NFIB: variants seen among roughly 807,000 people sequenced by gnomAD.
NFIB encodes the protein nuclear factor I B, also known as nuclear factor 1 B-type.
A neutral mutation model predicts 61.5 loss-of-function variants in NFIB; 11 were observed. The observed-to-expected ratio is 0.18, with a 90% CI of 0.11 to 0.30. The LOEUF is 0.30. NFIB is among the 10% of genes least tolerant of loss of function. The pLI is 1.00. For missense variants in NFIB, 471 were observed against 608.9 expected, an observed-to-expected ratio of 0.77 and a Z score of 2.38; for synonymous variants, 260 against 216.5, an observed-to-expected ratio of 1.20 and a Z score of -1.76.
intron 10 of NFIB, among the ~76,000 whole-genome samples, chr9:14,107,498 T>C (rs960649636): frequency 3.3e-5 from 5 of 152,188 alleles, no homozygotes; most frequent in East Asian, 1.9e-4. Context: ...CCATAAATCA[T>C]AAGATAAGTA....
At chr9:14,166,457 G>C (rs2044801098) in intron 3 of NFIB, among the ~76,000 whole-genome samples, 1 of 152,064 alleles carries the variant, frequency 6.6e-6, no homozygotes. Context: ...GTCGATAAAA[G>C]GAAATCTAGA....
At chr9:14,374,719 G>A (rs1408441369) in intron 1 of NFIB, among the ~76,000 whole-genome samples, 1 of 152,170 alleles carries the variant, frequency 6.6e-6, no homozygotes, top group African/African-American at 2.4e-5. Context: ...AGACCAGCCT[G>A]GCCAACATGG....
intron 2 of NFIB, among the ~76,000 whole-genome samples, chr9:14,238,590 G>C (rs1268705243): frequency 1.3e-5 from 2 of 152,148 alleles, no homozygotes; most frequent in African/African-American, 2.4e-5. Context: ...GTACCTAAGA[G>C]AGACCAAAAG....
chr9:14,105,969 T>C (rs182475985), intron 10 of NFIB, among the ~76,000 whole-genome samples: 16 of 152,284 alleles, frequency 1.1e-4, no homozygotes, highest in Non-Finnish European at 1.5e-4. Context: ...GTAATTCAGC[T>C]GTAAATTCTC....
intron 2 of NFIB, among the ~76,000 whole-genome samples, chr9:14,220,885 A>ACACACACACC (rs1165598223): frequency 7.0e-6 from 1 of 143,024 alleles, no homozygotes. Context: ...ACACACACAC[A>ACACACACACC]CCACATCCCA....
At chr9:14,226,342 C>G (rs7038815) in intron 2 of NFIB, among the ~76,000 whole-genome samples, 87,768 of 151,744 alleles carry the variant, frequency 0.58, 27,502 homozygotes, top group East Asian at 0.85. Context: ...GAGTCCAGGA[C>G]TTTGAGACCA....
intron 3 of NFIB, among the ~76,000 whole-genome samples, chr9:14,173,516 T>C (rs2045808718): frequency 6.6e-6 from 1 of 152,220 alleles, no homozygotes; most frequent in African/African-American, 2.4e-5. Context: ...GGTTCATGTG[T>C]AACTCACATT....
At chr9:14,528,083 T>A in the NFIB span, among the ~76,000 whole-genome samples, 2 of 152,280 alleles carry the variant, frequency 1.3e-5, no homozygotes, top group Middle Eastern at 3.4e-3. Flanking sequence ...ATTTTAGGAT[T>A]TTCAGTTTAA....
the NFIB span, among the ~76,000 whole-genome samples, chr9:14,483,952 G>C: frequency 0.29 from 43,596 of 152,052 alleles, 7,826 homozygotes; most frequent in African/African-American, 0.51. Context: ...ACTTAAGGAA[G>C]TGATGTTACA....
At chr9:14,387,354 A>C (rs148426901) in intron 1 of NFIB, among the ~76,000 whole-genome samples, 694 of 152,342 alleles carry the variant, frequency 4.6e-3, no homozygotes, top group Non-Finnish European at 8.2e-3. Context: ...CATGAGCCTC[A>C]CATTTCTCCA....
At chr9:14,285,130 TTTC>T (rs975880333) in intron 2 of NFIB, among the ~76,000 whole-genome samples, 1 of 152,204 alleles carries the variant, frequency 6.6e-6, no homozygotes, top group African/African-American at 2.4e-5. Flanking sequence ...TCTTTCCAAT[TTTC>T]TTTTCTTGAG....
intron 6 of NFIB, among the ~76,000 whole-genome samples, chr9:14,136,688 TAA>T (rs1278554990): frequency 6.6e-6 from 1 of 152,204 alleles, no homozygotes; most frequent in Non-Finnish European, 1.5e-5. Flanking sequence ...GAAAGTCCTA[TAA>T]ATGATCTGGA....
At chr9:14,247,245 G>A (rs976909038) in intron 2 of NFIB, among the ~76,000 whole-genome samples, 2 of 152,184 alleles carry the variant, frequency 1.3e-5, no homozygotes, top group African/African-American at 4.8e-5. Flanking sequence ...ATTAAGTGGT[G>A]AGACTGTCTC....
At chr9:14,463,946 C>T in the NFIB span, among the ~76,000 whole-genome samples, 6 of 152,170 alleles carry the variant, frequency 3.9e-5, no homozygotes, top group African/African-American at 1.4e-4. Context: ...AGGCGTGAGC[C>T]AGGGCGCCTG....
chr9:14,245,401 C>T (rs2054802718), intron 2 of NFIB, among the ~76,000 whole-genome samples: 1 of 151,786 alleles, frequency 6.6e-6, no homozygotes, highest in Non-Finnish European at 1.5e-5. Context: ...CAAACAAGAA[C>T]ACCTAAGATA....
intron 10 of NFIB, 89 bp from the exon 11 acceptor site, chr9:14,088,415 CA>C: frequency 7.8e-7 from 1 of 1,276,398 alleles, no homozygotes; most frequent in Non-Finnish European, 1.0e-6. Flanking sequence ...ATATAAATTC[CA>C]GATGCATCAA....
chr9:14,211,010 T>C (rs2050249659), intron 2 of NFIB, among the ~76,000 whole-genome samples: 1 of 152,214 alleles, frequency 6.6e-6, no homozygotes, highest in African/African-American at 2.4e-5. Context: ...ATGATCATTT[T>C]TGTCTCTGTT....
chr9:14,102,506 C>T (rs1306398762), intron 10 of NFIB: 1 of 1,550,256 alleles, frequency 6.5e-7, no homozygotes, highest in Admixed American at 2.0e-5. Flanking sequence ...GTCACAAATC[C>T]TCAGCTGTCA....
intron 1 of NFIB, chr9:14,321,853 G>A (rs922691438): frequency 8.2e-7 from 1 of 1,226,680 alleles, no homozygotes; most frequent in Non-Finnish European, 1.0e-6. Flanking sequence ...TCCACAAACA[G>A]GAAAAGAAAA....
Sources: allele counts gnomAD v4.1 joint callset (sites outside exome capture counted in the v4.1 genomes callset), GRCh38; gene constraint gnomAD v4.1.1; transcripts MANE v1.5; gene names NCBI Gene and HGNC (gene_info 2026-07-23, HGNC 2026-07-21).